The following TYW1 variants were observed in gnomAD, a reference collection of about 807,000 sequenced individuals.
TYW1 encodes tRNA-yW synthesizing protein 1 homolog.
A neutral mutation model predicts 96.2 loss-of-function variants in TYW1; 46 were observed. The observed-to-expected ratio is 0.48, with a 90% CI of 0.38 to 0.61. The LOEUF (loss-of-function observed/expected upper bound fraction) is 0.61, where lower values mean the gene tolerates loss of function less well. TYW1 is among the 20% of genes least tolerant of loss of function. TYW1 has a pLI of 0.00. For missense variants in TYW1, 684 were observed against 909.6 expected, an observed-to-expected ratio of 0.75 and a Z score of 3.19; for synonymous variants, 274 against 323.0, an observed-to-expected ratio of 0.85 and a Z score of 1.63.
intron 13 of TYW1, among the ~76,000 whole-genome samples, chr7:67,180,705 C>T (rs1327270452): frequency 6.6e-6 from 1 of 151,932 alleles, no homozygotes; most frequent in Non-Finnish European, 1.5e-5. Context: ...TGCAGTGGTG[C>T]AGTCTTGGCC....
chr7:67,033,139 C>T (rs1454759567), intron 7 of TYW1, among the ~76,000 whole-genome samples: 1 of 151,986 alleles, frequency 6.6e-6, no homozygotes, highest in Non-Finnish European at 1.5e-5. Flanking sequence ...TCAGGCGATC[C>T]TCCTGCCTGA....
intron 7 of TYW1, among the ~76,000 whole-genome samples, chr7:67,045,855 A>G (rs1277365150): frequency 2.0e-5 from 3 of 152,224 alleles, no homozygotes; most frequent in Admixed American, 6.5e-5. Flanking sequence ...GTGGACAAGA[A>G]TGGTGGCATT....
intron 6 of TYW1, among the ~76,000 whole-genome samples, chr7:67,022,402 A>T (rs1386731021): frequency 5.9e-5 from 9 of 152,168 alleles, no homozygotes; most frequent in Admixed American, 5.9e-4. Context: ...CTTGTCCAGG[A>T]TAACATGGTG....
intron 15 of TYW1, among the ~76,000 whole-genome samples, chr7:67,224,829 AC>A (rs1324894481): frequency 4.6e-5 from 7 of 152,148 alleles, no homozygotes; most frequent in Admixed American, 2.6e-4. Context: ...TTTAATCCTT[AC>A]AAAAGTCTAT....
At chr7:67,007,291 C>A (rs1188922334) in intron 3 of TYW1, among the ~76,000 whole-genome samples, 1 of 152,104 alleles carries the variant, frequency 6.6e-6, no homozygotes, top group Non-Finnish European at 1.5e-5. Flanking sequence ...AAAACCTAAG[C>A]TTAATAAAAA....
intron 15 of TYW1, among the ~76,000 whole-genome samples, chr7:67,210,759 T>TCTCC (rs1800978860): frequency 1.1e-5 from 1 of 87,906 alleles, no homozygotes; most frequent in Non-Finnish European, 2.5e-5. Flanking sequence ...GTCTGTCGTC[T>TCTCC]GTCCGTCCAT....
At chr7:67,179,629 A>G (rs564865130) in intron 13 of TYW1, among the ~76,000 whole-genome samples, 8 of 136,436 alleles carry the variant, frequency 5.9e-5, no homozygotes, top group African/African-American at 2.3e-4. Context: ...AACAGCTGGC[A>G]CATAGTAAGG....
intron 3 of TYW1, among the ~76,000 whole-genome samples, chr7:67,008,598 T>C (rs778483852): frequency 3.9e-5 from 6 of 152,232 alleles, no homozygotes; most frequent in Non-Finnish European, 7.3e-5. Context: ...CCTAGGACTT[T>C]TTCCTGTCTG....
chr7:67,215,626 T>C (rs149997046), intron 15 of TYW1, among the ~76,000 whole-genome samples: 9,644 of 152,038 alleles, frequency 0.063, 416 homozygotes, highest in South Asian at 0.1. Flanking sequence ...ACTTGGTATG[T>C]GTATTAGTCA....
chr7:67,153,996 T>C (rs907734894), intron 13 of TYW1, among the ~76,000 whole-genome samples: 22 of 150,908 alleles, frequency 1.5e-4, no homozygotes, highest in Non-Finnish European at 2.9e-4. Flanking sequence ...GGCGTGACCT[T>C]AGCTTACTGC....
chr7:67,155,522 A>C (rs1278052185), intron 13 of TYW1, among the ~76,000 whole-genome samples: 1 of 149,922 alleles, frequency 6.7e-6, no homozygotes, highest in East Asian at 2.0e-4. Flanking sequence ...AGCGAATTAA[A>C]CCTCTTTTCT....
chr7:67,105,209 C>T (rs140346470), intron 12 of TYW1, among the ~76,000 whole-genome samples: 5,134 of 152,332 alleles, frequency 0.034, 258 homozygotes, highest in African/African-American at 0.12. Context: ...CTCAGATCTA[C>T]AGGGCAGGGG....
At chr7:67,027,607 A>G (rs1794493414) in intron 7 of TYW1, among the ~76,000 whole-genome samples, 4 of 152,178 alleles carry the variant, frequency 2.6e-5, no homozygotes, top group Admixed American at 2.6e-4. Flanking sequence ...CAAGGTGTTA[A>G]TCTTTTTACT....
chr7:67,028,399 T>C (rs548148774), intron 7 of TYW1, among the ~76,000 whole-genome samples: 102 of 152,224 alleles, frequency 6.7e-4, no homozygotes, highest in African/African-American at 2.2e-3. Flanking sequence ...AATGCAAAAT[T>C]AGCTGGGTGT....
intron 13 of TYW1, among the ~76,000 whole-genome samples, chr7:67,136,650 C>CAT (rs1798264246): frequency 6.9e-6 from 1 of 143,964 alleles, no homozygotes; most frequent in Non-Finnish European, 1.5e-5. Context: ...TTATACAGTG[C>CAT]GTGTGTGTGT....
chr7:67,004,426 A>G (rs901112721), intron 3 of TYW1, among the ~76,000 whole-genome samples: 27 of 151,650 alleles, frequency 1.8e-4, no homozygotes, highest in East Asian at 5.8e-4. Flanking sequence ...CCTCTCCTGC[A>G]CTCTTGTTTC....
chr7:67,043,676 C>T (rs1177264939), intron 7 of TYW1, among the ~76,000 whole-genome samples: 6 of 152,090 alleles, frequency 3.9e-5, no homozygotes, highest in Admixed American at 3.9e-4. Context: ...CTTTCAACCC[C>T]AATACACTGC....
chr7:67,170,112 A>C (rs1202745529), intron 13 of TYW1, among the ~76,000 whole-genome samples: 1 of 152,044 alleles, frequency 6.6e-6, no homozygotes, highest in Non-Finnish European at 1.5e-5. Context: ...TTTTGAGTTA[A>C]TTTTGGTGGA....
chr7:67,050,509 C>G (rs533568389), intron 8 of TYW1, among the ~76,000 whole-genome samples: 1 of 151,946 alleles, frequency 6.6e-6, no homozygotes, highest in African/African-American at 2.4e-5. Flanking sequence ...ATCAGTAGAC[C>G]GACCTCCTTT....
Sources: gnomAD v4.1 joint callset for allele counts (sites outside exome capture counted in the v4.1 genomes callset) on GRCh38, gnomAD v4.1.1 for gene constraint, MANE v1.5 for transcripts, NCBI Gene and HGNC (gene_info 2026-07-23, HGNC 2026-07-21) for gene names.